The following ATP8A2 variants were observed in gnomAD, a reference collection of about 807,000 sequenced individuals.
ATP8A2 encodes ATPase phospholipid transporting 8A2, also known as phospholipid-transporting ATPase IB.
ATP8A2 carries 100 observed loss-of-function variants against 165.6 expected under a neutral mutation model. The ratio of observed to expected loss-of-function variants is 0.60; its 90% CI spans 0.51 to 0.71. The LOEUF (loss-of-function observed/expected upper bound fraction) is 0.71, where lower values mean the gene tolerates loss of function less well. ATP8A2 is among the 30% of genes least tolerant of loss of function. The pLI, the probability that ATP8A2 is intolerant of heterozygous loss-of-function variation, is 0.00. For synonymous variants in ATP8A2, 543 were observed against 548.8 expected (o/e 0.99, Z 0.15); for missense variants, 1,227 against 1,479.5 (o/e 0.83, Z 2.80).
chr13:25,739,305 A>G (rs2043855971), intron 25 of ATP8A2, among the ~76,000 whole-genome samples: 1 of 152,192 alleles, frequency 6.6e-6, no homozygotes, highest in Non-Finnish European at 1.5e-5. Context: ...CTCACATATC[A>G]TAAGTGGAGC....
At position 25,713,072 on chromosome 13, in the gene ATP8A2, A is replaced by G. The variant is rs368227375; in HGVS notation, c.2384+13727A>G. On this transcript the variant is annotated intron_variant, in intron 25 of 36. Coordinates refer to ENST00000381655, the MANE Select transcript of ATP8A2 (RefSeq NM_016529.6). ...GTCTCAGTTTAAGTTTAGCAATTTA[A>G]TCCCTAAAAATGTAGATAGTGCTCA... 2.2e-4 allele frequency among the ~76,000 whole-genome samples: 34 copies of G among 152,328 alleles called. No individual in the cohort carries two copies. The East Asian group carries it at 5.0e-3, about 22-fold the overall frequency.
chr13:25,435,122 C>CTTTT lies in ATP8A2; in HGVS notation c.77-33842_77-33839dup, dbSNP rs563922531. On this transcript the variant is annotated intron_variant, in intron 1 of 36. Transcript: ENST00000381655. ...CTAGGAGTTCCTGGGCATAGGAAATCTTTTTTTTTTTTTTTTGAGATGGAG... is the reference window on the plus strand; with the variant it reads ...CTAGGAGTTCCTGGGCATAGGAAATCTTTTTTTTTTTTTTTTTTTTGAGATGGAG... 2.2e-4 allele frequency among the ~76,000 whole-genome samples: 30 copies of CTTTT among 136,712 alleles called. 3 individuals carry two copies. In the South Asian group the frequency reaches 5.6e-3, roughly 25 times the overall value. 89.7% of individuals were successfully genotyped at this position (136,712 alleles called of 152,430 possible). A position where few individuals can be genotyped will look rare whatever the true frequency, so the allele number is the denominator to read the frequency against.
chr13:25,390,085 C>T (rs187060767), intron 1 of ATP8A2, among the ~76,000 whole-genome samples: 432 of 152,294 alleles, frequency 2.8e-3, no homozygotes, highest in Non-Finnish European at 4.6e-3. Flanking sequence ...ACTTCCACTT[C>T]CCAGGTTCAA....
intron 24 of ATP8A2, among the ~76,000 whole-genome samples, chr13:25,590,483 G>A (rs2040041646): frequency 6.6e-6 from 1 of 152,164 alleles, no homozygotes; most frequent in South Asian, 2.1e-4. Flanking sequence ...ATTCTCTGAT[G>A]TCCCAATGCT....
At chr13:25,426,222 C>T (rs6491054) in intron 1 of ATP8A2, among the ~76,000 whole-genome samples, 1 of 152,050 alleles carries the variant, frequency 6.6e-6, no homozygotes, top group African/African-American at 2.4e-5. Flanking sequence ...GCATGGTGCC[C>T]GCATCTGCTT....
rs2032414745 is a variant in ATP8A2, at chr13:25,372,029, G to C, written c.-184G>C. The C allele has an allele frequency of 4.3e-6, 1 of 235,112 alleles. No homozygotes were observed. Among genetic ancestry groups the C allele is most frequent in the East Asian group, 9.5e-5 (1 of 10,554 alleles). The allele number at this position is 235,112 out of a possible 1,614,324, so 14.6% of individuals were successfully genotyped here. Reference sequence around the variant, plus strand: ...GGCGTTCGCGGATGCTGCCGCATTGGCCGCTGCGGCACGGACGGCGCAGCC... The same window carrying C: ...GGCGTTCGCGGATGCTGCCGCATTGCCCGCTGCGGCACGGACGGCGCAGCC... On this transcript the variant is annotated 5_prime_UTR_variant, in exon 1 of 37. Coordinates refer to ENST00000381655, the MANE Select transcript of ATP8A2 (RefSeq NM_016529.6). This position sits in a 1 kb window ranked among gnomAD's most constrained non-coding sequence, Gnocchi z 4.8.
chr13:25,977,783 T>C (rs1956089768), intron 35 of ATP8A2, among the ~76,000 whole-genome samples: 1 of 152,136 alleles, frequency 6.6e-6, no homozygotes, highest in African/African-American at 2.4e-5. Flanking sequence ...ATCAGGAGCT[T>C]AGCTACTTGC....
rs2039695822 is a variant in ATP8A2, at chr13:25,579,014, A to G, written c.1867+115A>G. On this transcript the variant is annotated intron_variant, in intron 21 of 36. Transcript: ENST00000381655. ...GCCTGCCCCATCCCCTCCTGTGCCC[A>G]TGGCAGTGACAAGATGCATAGCCAA... 1.5e-5 allele frequency: 11 copies of G among 745,466 alleles called. No homozygotes were observed. In the East Asian group the frequency reaches 2.9e-4, roughly 19 times the overall value. The allele number at this position is 745,466 out of a possible 1,614,324, so 46.2% of individuals were successfully genotyped here.
chr13:25,379,353 G>T (rs1244872340), intron 1 of ATP8A2, among the ~76,000 whole-genome samples: 1 of 152,230 alleles, frequency 6.6e-6, no homozygotes, highest in East Asian at 1.9e-4. Flanking sequence ...TCCATGGAGT[G>T]AGTGAGTACT....
chr13:25,534,073 A>G, intron 6 of ATP8A2: 1 of 459,346 alleles, frequency 2.2e-6, no homozygotes, highest in South Asian at 1.6e-5. Flanking sequence ...AACATTTAAT[A>G]AACAATGTTT....
chr13:25,881,595 AAGAGAGAG>A lies in ATP8A2; in HGVS notation c.3183+19197_3183+19204del, dbSNP rs762204443. Among the ~76,000 whole-genome samples the A allele has an allele frequency of 2.1e-4, 31 of 149,480 alleles. No homozygotes were observed. In the East Asian group the frequency reaches 4.5e-3, roughly 22 times the overall value. ...TCCTCCATGGAGAGAGAGAGAGAGA[AAGAGAGAG>A]AGAGAGAGAAAGAGAGAGAGAGAAT... is the stretch of plus-strand genomic sequence containing the variant. On this transcript the variant is annotated intron_variant, in intron 33 of 36. Transcript: ENST00000381655.
At chr13:25,381,554 A>G (rs149900190) in intron 1 of ATP8A2, among the ~76,000 whole-genome samples, 2 of 152,332 alleles carry the variant, frequency 1.3e-5, no homozygotes, top group East Asian at 3.9e-4. Flanking sequence ...TTTCTTTTAA[A>G]CTACATTGAT....
At chr13:25,654,816 GC>G (rs2041891106) in intron 24 of ATP8A2, among the ~76,000 whole-genome samples, 1 of 152,142 alleles carries the variant, frequency 6.6e-6, no homozygotes, top group African/African-American at 2.4e-5. Flanking sequence ...ACATAGAAAT[GC>G]CCATCAGTGA....
intron 25 of ATP8A2, among the ~76,000 whole-genome samples, chr13:25,709,028 C>A (rs1022240654): frequency 6.6e-6 from 1 of 151,936 alleles, no homozygotes; most frequent in African/African-American, 2.4e-5. Context: ...TTCTTGTTAA[C>A]CAGTTAACTG....
intron 25 of ATP8A2, among the ~76,000 whole-genome samples, chr13:25,749,142 TC>T: frequency 6.6e-6 from 1 of 152,332 alleles, no homozygotes; most frequent in Non-Finnish European, 1.5e-5. Context: ...GTTGACACTT[TC>T]TAACTCTTGG....
rs61143544 is a variant in ATP8A2 at position 26,025,277 on chromosome 13, C to T, written c.*5292C>T. 0.13 allele frequency: 19,950 copies of T among 152,248 alleles called. 1,720 individuals carry two copies. The highest frequency in any genetic ancestry group is 0.34 in the East Asian group (1,770 of 5,158). 9.4% of individuals were successfully genotyped at this position (152,248 alleles called of 1,614,324 possible). Reference sequence around the variant, plus strand: ...TCTCCCCTCCCGCCCCACTCTCCCCCGTTGCCCGAGATGGCCAAGTTCAGG... The same window carrying T: ...TCTCCCCTCCCGCCCCACTCTCCCCTGTTGCCCGAGATGGCCAAGTTCAGG... On this transcript the variant is annotated 3_prime_UTR_variant, in exon 37 of 37. Transcript: ENST00000381655.
intron 1 of ATP8A2, among the ~76,000 whole-genome samples, chr13:25,398,865 G>A (rs2033522393): frequency 6.6e-6 from 1 of 151,882 alleles, no homozygotes; most frequent in Non-Finnish European, 1.5e-5. Flanking sequence ...AGAGAAAAGG[G>A]TGCTGTCTGC....
intron 2 of ATP8A2, among the ~76,000 whole-genome samples, chr13:25,523,769 T>C (rs2037746088): frequency 6.6e-6 from 1 of 152,140 alleles, no homozygotes; most frequent in African/African-American, 2.4e-5. Flanking sequence ...CTTCCTAGTC[T>C]AGCTAAGGGT....
At chr13:25,762,395 C>G (rs2044401516) in intron 25 of ATP8A2, among the ~76,000 whole-genome samples, 1 of 147,618 alleles carries the variant, frequency 6.8e-6, no homozygotes, top group Admixed American at 6.8e-5. Context: ...CGATATCTGT[C>G]TCTTGAATCA....
Sources: gnomAD v4.1 joint callset for allele counts (sites outside exome capture counted in the v4.1 genomes callset) on GRCh38, gnomAD v4.1.1 for gene constraint, Gnocchi (gnomAD v3.1) non-coding constraint, MANE v1.5 for transcripts, NCBI Gene and HGNC (gene_info 2026-07-23, HGNC 2026-07-21) for gene names.